Variants in RAB21 observed in about 807,000 individuals in gnomAD.
RAB21 encodes ras-related protein Rab-21.
RAB21 carries 13 observed loss-of-function variants against 33.1 expected under a neutral mutation model. The ratio of observed to expected loss-of-function variants is 0.39; its 90% CI spans 0.26 to 0.62. The LOEUF (loss-of-function observed/expected upper bound fraction) is 0.62, where lower values mean the gene tolerates loss of function less well. Among genes scored for constraint, RAB21 ranks in the 20% least tolerant of loss-of-function variants. RAB21 has a pLI of 0.48. For missense variants in RAB21, 234 were observed against 279.1 expected (o/e 0.84, Z 1.15); for synonymous variants, 91 against 103.7 (o/e 0.88, Z 0.74).
At chr12:71,772,006 T>G (rs1883050224) in intron 3 of RAB21, among the ~76,000 whole-genome samples, 1 of 151,400 alleles carries the variant, frequency 6.6e-6, no homozygotes, top group Non-Finnish European at 1.5e-5. Context: ...TCATTTAGGT[T>G]GAAAGGGACC....
chr12:71,777,690 A>G (rs192027090), intron 4 of RAB21, among the ~76,000 whole-genome samples: 2 of 152,324 alleles, frequency 1.3e-5, no homozygotes, highest in African/African-American at 4.8e-5. Context: ...TAAACGGCTC[A>G]CTTTAAGTCT....
At chr12:71,785,249 G>A (rs1037176857) in intron 6 of RAB21, among the ~76,000 whole-genome samples, 5 of 152,126 alleles carry the variant, frequency 3.3e-5, no homozygotes, top group South Asian at 4.1e-4. Context: ...ATACTTGTAC[G>A]CAGGCAATTG....
intron 3 of RAB21, among the ~76,000 whole-genome samples, chr12:71,772,222 A>G (rs180807764): frequency 2.9e-4 from 44 of 152,212 alleles, no homozygotes; most frequent in Admixed American, 1.4e-3. Flanking sequence ...GCCTCTCACT[A>G]TATCTGGTGT....
Position 71,798,297 on chromosome 12 carries a change from C to T in RAB21, c.*12624C>T, listed in dbSNP as rs1412556435. On this transcript the variant is annotated 3_prime_UTR_variant, in exon 7 of 7. Transcript: ENST00000261263. ...ATGGCGTTTCACAGTGTTGGCCAGTCTGGTCTTGAATTCCTGACCTCAAGT... is the reference window on the plus strand; with the variant it reads ...ATGGCGTTTCACAGTGTTGGCCAGTTTGGTCTTGAATTCCTGACCTCAAGT... 1 of 152,098 alleles carries T rather than the reference C, an allele frequency of 6.6e-6. No homozygotes were observed. The highest frequency in any genetic ancestry group is 2.4e-5 in the African/African-American group (1 of 41,388). The allele number at this position is 152,098 out of a possible 1,614,324, so 9.4% of individuals were successfully genotyped here.
intron 1 of RAB21, among the ~76,000 whole-genome samples, chr12:71,757,098 T>C (rs990423595): frequency 5.3e-5 from 8 of 152,134 alleles, no homozygotes; most frequent in Non-Finnish European, 1.0e-4. Context: ...AGAAAACTAT[T>C]GTAATTGAGG....
At chr12:71,772,187 C>T (rs1191833223) in intron 3 of RAB21, among the ~76,000 whole-genome samples, 2 of 152,158 alleles carry the variant, frequency 1.3e-5, no homozygotes, top group Admixed American at 6.5e-5. Flanking sequence ...GCTGGAATAT[C>T]CAAGAAGGCC....
In RAB21 at chr12:71,785,910, GT is replaced by G. The variant is rs33973785; in HGVS notation, c.*246del. 1.3e-4 allele frequency: 45 copies of G among 357,586 alleles called. No individual in the cohort carries two copies. The highest frequency in any genetic ancestry group is 3.4e-4 in the South Asian group (9 of 26,660). The allele number at this position is 357,586 out of a possible 1,614,324, so 22.2% of individuals were successfully genotyped here. The stretch of plus-strand genomic sequence containing the variant: ...TTTTGTTTTTTTTTTGTTTTTTTTT[GT>G]TTTTTTTTGAGACGGAGTCTCGCTC... On this transcript the variant is annotated 3_prime_UTR_variant, in exon 7 of 7. Coordinates refer to ENST00000261263, the MANE Select transcript of RAB21 (RefSeq NM_014999.4).
In RAB21 at chr12:71,785,777, A is replaced by G. The variant is rs920118499; in HGVS notation, c.*104A>G. The stretch of plus-strand genomic sequence containing the variant: ...GTCACATTATTTTACCAATGGAATT[A>G]TAGAATTAACAGTATTTTAAATTAC... On this transcript the variant is annotated 3_prime_UTR_variant, in exon 7 of 7. Transcript: ENST00000261263. The G allele has an allele frequency of 3.8e-5, 52 of 1,356,552 alleles. No homozygotes were observed. Among genetic ancestry groups the G allele is most frequent in the African/African-American group, 3.1e-4 (21 of 68,448 alleles). 84.0% of individuals were successfully genotyped at this position (1,356,552 alleles called of 1,614,324 possible).
At chr12:71,783,461 TAC>T (rs375346438) in intron 6 of RAB21, among the ~76,000 whole-genome samples, 18 of 150,402 alleles carry the variant, frequency 1.2e-4, no homozygotes, top group East Asian at 2.0e-4. Flanking sequence ...TGTGTGTGTG[TAC>T]ACACACACAC....
intron 4 of RAB21, among the ~76,000 whole-genome samples, chr12:71,778,902 GGA>G (rs1883158256): frequency 6.6e-6 from 1 of 152,164 alleles, no homozygotes. Flanking sequence ...CAGCACTTTG[GGA>G]GGCTGAAGCA....
At chr12:71,759,037 G>A (rs1882831628) in intron 1 of RAB21, among the ~76,000 whole-genome samples, 2 of 151,988 alleles carry the variant, frequency 1.3e-5, no homozygotes, top group Non-Finnish European at 2.9e-5. Flanking sequence ...AGTCTTAATT[G>A]CTTCAAAAAA....
chr12:71,782,667 A>G lies in RAB21; in HGVS notation c.535+9A>G. 1 of 1,534,634 alleles carries G rather than the reference A, an allele frequency of 6.5e-7. No homozygotes were observed. The highest frequency in any genetic ancestry group is 8.9e-7 in the Non-Finnish European group (1 of 1,125,280). ...TCTTGACCTTTGTAAAAGTAGGTAT[A>G]TTCAGATTTAGTTTGTTTAGAAATG... On this transcript the variant is annotated intron_variant, in intron 6 of 6. Coordinates refer to ENST00000261263, the MANE Select transcript of RAB21 (RefSeq NM_014999.4).
chr12:71,794,771 A>G lies in RAB21; in HGVS notation c.*9098A>G, dbSNP rs908190839. On this transcript the variant is annotated 3_prime_UTR_variant, in exon 7 of 7. Transcript: ENST00000261263. ...AAATTTATATATATTTCATATATATATTATATATATATAAAATTAACCGGG... is the reference window on the plus strand; with the variant it reads ...AAATTTATATATATTTCATATATATGTTATATATATATAAAATTAACCGGG... 2.1e-5 allele frequency: 3 copies of G among 146,222 alleles called. No individual in the cohort carries two copies. The highest frequency in any genetic ancestry group is 6.9e-5 in the Admixed American group (1 of 14,538). The allele number at this position is 146,222 out of a possible 1,614,324, so 9.1% of individuals were successfully genotyped here. A position where few individuals can be genotyped will look rare whatever the true frequency, so the allele number is the denominator to read the frequency against.
intron 4 of RAB21, among the ~76,000 whole-genome samples, chr12:71,780,507 A>G (rs1420932431): frequency 6.6e-6 from 1 of 152,200 alleles, no homozygotes; most frequent in Non-Finnish European, 1.5e-5. Context: ...CCAATGACAA[A>G]TATAATGTAG....
chr12:71,782,453 A>T, intron 5 of RAB21, 117 bp from the exon 6 acceptor site: 1 of 635,362 alleles, frequency 1.6e-6, no homozygotes, highest in Non-Finnish European at 2.6e-6. Context: ...ATATAAACTT[A>T]ATTTCACTAA....
Position 71,785,549 on chromosome 12 carries a change from A to G in RAB21, c.554A>G (p.Gln185Arg), listed in dbSNP as rs1300694589. ...GTCTTAGGGATGATAGAAACAGCACAAGTGGATGAGAGAGCAAAAGGCAAT... is the reference window on the plus strand; with the variant it reads ...GTCTTAGGGATGATAGAAACAGCACGAGTGGATGAGAGAGCAAAAGGCAAT... ...DLCKRMIETA[Q>R]VDERAKGNGS... The change falls in exon 7 of 7, where the codon CAA becomes CGA. Residue 185 changes from glutamine to arginine, a missense_variant. Gln to Arg is a conservative substitution (Grantham distance 43). Transcript: ENST00000261263. The G allele has an allele frequency of 6.2e-7, 1 of 1,614,170 alleles. No homozygotes were observed. Among genetic ancestry groups the G allele is most frequent in the South Asian group, 1.1e-5 (1 of 91,084 alleles).
At chr12:71,782,401 T>C (rs112577974) in intron 5 of RAB21, 169 bp from the exon 6 acceptor site, 31 of 525,910 alleles carry the variant, frequency 5.9e-5, no homozygotes, top group African/African-American at 5.4e-4. Flanking sequence ...TATATTTGTG[T>C]TATTTAAAAT....
At chr12:71,756,329 A>G (rs893555536) in intron 1 of RAB21, among the ~76,000 whole-genome samples, 13 of 152,216 alleles carry the variant, frequency 8.5e-5, no homozygotes, top group African/African-American at 3.1e-4. Context: ...AAATATACAG[A>G]AAAAGCACTG....
At chr12:71,758,054 A>T (rs1882811946) in intron 1 of RAB21, among the ~76,000 whole-genome samples, 1 of 149,128 alleles carries the variant, frequency 6.7e-6, no homozygotes, top group Non-Finnish European at 1.5e-5. Context: ...TCTTTTTGAG[A>T]TGGAGTCTCA....
Sources: gnomAD v4.1 joint callset for allele counts (sites outside exome capture counted in the v4.1 genomes callset) on GRCh38, gnomAD v4.1.1 for gene constraint, MANE v1.5 for transcripts, NCBI Gene and HGNC (gene_info 2026-07-23, HGNC 2026-07-21) for gene names.